Variants in DUOX1 observed in about 807,000 individuals in gnomAD.
DUOX1 encodes the protein NADPH thyroid oxidase 1.
DUOX1 carries 134 observed loss-of-function variants against 181.8 expected under a neutral mutation model. The ratio of observed to expected loss-of-function variants is 0.74; its 90% CI spans 0.64 to 0.85. The LOEUF (loss-of-function observed/expected upper bound fraction) is 0.85, where lower values mean the gene tolerates loss of function less well. Among genes scored for constraint, DUOX1 ranks in the 40% least tolerant of loss-of-function variants. DUOX1 has a pLI of 0.00. For synonymous variants in DUOX1, 798 were observed against 832.5 expected (o/e 0.96, Z 0.71); for missense variants, 1,814 against 2,064.4 (o/e 0.88, Z 2.35).
intron 21 of DUOX1, chr15:45,150,411 T>C (rs548486381): frequency 1.8e-6 from 1 of 564,056 alleles, no homozygotes; most frequent in Admixed American, 3.1e-5. Context: ...GAAGCCTGCC[T>C]GGCCAACTTT....
At position 45,133,191 on chromosome 15, in the gene DUOX1, C is replaced by A. The variant is rs116190989; in HGVS notation, c.59-673C>A. Among the ~76,000 whole-genome samples, 926 of 152,284 alleles carry A rather than the reference C, an allele frequency of 6.1e-3. 11 individuals carry two copies. Among genetic ancestry groups the A allele is most frequent in the African/African-American group, 0.021 (889 of 41,548 alleles). ...GCAGCTGAGTGCTCCCTCCTGGACC[C>A]TCATTTTGGAGAATACAACAGGATC... On this transcript the variant is annotated intron_variant, in intron 2 of 33. Transcript: ENST00000389037.
At position 45,151,119 on chromosome 15, in the gene DUOX1, T is replaced by G. The variant is rs1465443141; in HGVS notation, c.2889-4T>G. 6.2e-7 allele frequency: 1 copy of G among 1,614,038 alleles called. No individual in the cohort carries two copies. Among genetic ancestry groups the G allele is most frequent in the East Asian group, 2.2e-5 (1 of 44,876 alleles). Reference sequence around the variant, plus strand: ...CATCCTATCTCTTACCATTCTTGTCTTAGTCCCTCTCCCAGAGTGAGTGCC... The same window carrying G: ...CATCCTATCTCTTACCATTCTTGTCGTAGTCCCTCTCCCAGAGTGAGTGCC... On this transcript the variant is annotated splice_polypyrimidine_tract_variant and splice_region_variant and intron_variant, in intron 22 of 33. Coordinates refer to ENST00000389037, the MANE Select transcript of DUOX1 (RefSeq NM_175940.3).
chr15:45,142,160 G>A, intron 15 of DUOX1, 48 bp downstream of exon 15: 1 of 1,589,466 alleles, frequency 6.3e-7, no homozygotes. Flanking sequence ...CAAGCTAGGG[G>A]ATGCAGTTTG....
In DUOX1 at chr15:45,148,267, CCCAGAT is replaced by C. The variant is rs752315468; in HGVS notation, c.2643-2_2646del. 6.2e-7 allele frequency: 1 copy of C among 1,614,080 alleles called. No homozygotes were observed. Among genetic ancestry groups the C allele is most frequent in the Non-Finnish European group, 8.5e-7 (1 of 1,180,042 alleles). ...GGCCGGATGGTTCCTCTCCCCCAAC[CCCAGAT>C]CCTTCATCGAGATCTCCAACAACTG... On this transcript the variant is annotated splice_acceptor_variant and splice_polypyrimidine_tract_variant and coding_sequence_variant and intron_variant, in exon 21 of 34. Coordinates refer to ENST00000389037, the MANE Select transcript of DUOX1 (RefSeq NM_175940.3). LOFTEE classifies it high-confidence loss of function.
rs549830481 is a variant in DUOX1 at position 45,144,127 on chromosome 15, C to T, written c.2028C>T (p.Thr676=). ...GQIRVVDGRL[T]VLRTIQLQPP... ...TCCGTGTGGTAGATGGCAGGCTCACCGTGCTCCGCACCATCCAGCTGCAGC... is the reference window on the plus strand; with the variant it reads ...TCCGTGTGGTAGATGGCAGGCTCACTGTGCTCCGCACCATCCAGCTGCAGC... Residue 676 remains threonine, a synonymous_variant, in exon 17 of 34, where the codon ACC becomes ACT. Coordinates refer to ENST00000389037, the MANE Select transcript of DUOX1 (RefSeq NM_175940.3). 22 of 1,614,030 alleles carry T rather than the reference C, an allele frequency of 1.4e-5. No individual in the cohort carries two copies. The highest frequency in any genetic ancestry group is 3.3e-5 in the Admixed American group (2 of 60,032).
At chr15:45,138,076 G>GTA in intron 10 of DUOX1, 62 bp downstream of exon 10, 1 of 1,097,674 alleles carries the variant, frequency 9.1e-7, no homozygotes. Context: ...GTGTGTGTGT[G>GTA]TATGTGTGTG....
In DUOX1 at chr15:45,151,161, A is replaced by G. The variant is rs1261986782; in HGVS notation, c.2927A>G (p.Asp976Gly). 1.9e-6 allele frequency: 3 copies of G among 1,614,076 alleles called. No homozygotes were observed. The Admixed American group carries it at 5.0e-5, about 27-fold the overall frequency. ...PRVSARCSRS[D>G]IETELTPQRL... is the part of the protein sequence containing the mutation. Reference sequence around the variant, plus strand: ...GTGAGTGCCCGCTGTTCCCGCAGCGACATTGAGACTGAGTTGACACCTCAG... The same window carrying G: ...GTGAGTGCCCGCTGTTCCCGCAGCGGCATTGAGACTGAGTTGACACCTCAG... Residue 976 changes from aspartate (D) to glycine (G), a missense_variant, in exon 23 of 34, where the codon GAC becomes GGC. By Grantham distance (94) the Asp-to-Gly change is moderately conservative. This residue lies in a region of DUOX1 where 1,064 missense variants were observed against 1,152.9 expected (regional missense o/e 0.92). Transcript: ENST00000389037.
At chr15:45,136,675 A>G (rs1476409854) in intron 9 of DUOX1, 50 bp downstream of exon 9, 2 of 1,587,574 alleles carry the variant, frequency 1.3e-6, no homozygotes, top group Admixed American at 3.3e-5. Flanking sequence ...GGGGCTGTCA[A>G]CTGAGGAAAA....
In DUOX1 at chr15:45,148,378, T is replaced by C. The variant is rs747645983; in HGVS notation, c.2749T>C (p.Trp917Arg). Reference protein sequence around the residue: ...SGFQDKEELTWEDFHFMLRDH... With the variant: ...SGFQDKEELTREDFHFMLRDH... ...ATTCCAGGACAAGGAGGAACTGACA[T>C]GGGAAGATTTTCACTTCATGCTGCG... Residue 917 changes from tryptophan (W) to arginine (R), a missense_variant, in exon 21 of 34, where the codon TGG becomes CGG. Physicochemically the swap from Trp to Arg is moderately radical, Grantham distance 101. Transcript: ENST00000389037. The C allele has an allele frequency of 6.2e-7, 1 of 1,614,040 alleles. No individual in the cohort carries two copies.
At chr15:45,137,421 A>T (rs1213402913) in intron 9 of DUOX1, among the ~76,000 whole-genome samples, 1 of 150,002 alleles carries the variant, frequency 6.7e-6, no homozygotes, top group African/African-American at 2.4e-5. Flanking sequence ...ATGTATATGT[A>T]TATGAAACAA....
In DUOX1 at chr15:45,143,288, G is replaced by A. The variant is rs139397185; in HGVS notation, c.1921G>A (p.Val641Met). The change falls in exon 16 of 34, where the codon GTG becomes ATG. Residue 641 changes from valine to methionine, a missense_variant. By Grantham distance (21) the Val-to-Met change is conservative. Around this residue, in one of 5 missense-constraint regions of DUOX1, gnomAD observed 1,064 missense variants for 1,152.9 expected, o/e 0.92. Coordinates refer to ENST00000389037, the MANE Select transcript of DUOX1 (RefSeq NM_175940.3). ...CCAGAGCATCGTGTCTGAGAAGCTC[G>A]TGGGAGGCATGGAAGGTAGGTCTAG... ...DRQSIVSEKL[V>M]GGMEALEWQG... The A allele has an allele frequency of 7.0e-4, 1,130 of 1,614,022 alleles. 1 individual carries two copies. The highest frequency in any genetic ancestry group is 1.2e-3 in the Admixed American group (75 of 60,016).
At position 45,151,907 on chromosome 15, in the gene DUOX1, G is replaced by A; in HGVS notation, c.3048G>A (p.Glu1016=). 2 of 1,613,484 alleles carry A rather than the reference G, an allele frequency of 1.2e-6. No individual in the cohort carries two copies. The highest frequency in any genetic ancestry group is 1.7e-6 in the Non-Finnish European group (2 of 1,179,812). Residue 1016 remains glutamate (E), a synonymous_variant, in exon 24 of 34, where the codon GAG becomes GAA. Coordinates refer to ENST00000389037, the MANE Select transcript of DUOX1 (RefSeq NM_175940.3). ...VTSFQPLLFT[E]AHREKFQRSC... is the part of the protein sequence containing the mutation. The stretch of plus-strand genomic sequence containing the variant: ...CATTCCAGCCCTTGCTGTTCACTGA[G>A]GCGCACCGAGAGAAGTTCCAACGCA...
At chr15:45,144,863 A>G in intron 17 of DUOX1, 32 bp from the exon 18 acceptor site, 1 of 1,573,544 alleles carries the variant, frequency 6.4e-7, no homozygotes, top group Non-Finnish European at 8.6e-7. Flanking sequence ...GGCCTTGGCA[A>G]ATGGTTGCTT....
intron 12 of DUOX1, 144 bp downstream of exon 12, chr15:45,139,743 A>G: frequency 1.1e-6 from 1 of 917,048 alleles, no homozygotes; most frequent in Non-Finnish European, 1.6e-6. Context: ...ACTTTTCCCA[A>G]TATTACATAT....
Position 45,152,033 on chromosome 15 carries a change from T to C in DUOX1, c.3174T>C (p.Leu1058=). The C allele has an allele frequency of 1.9e-6, 3 of 1,614,082 alleles. No homozygotes were observed. The highest frequency in any genetic ancestry group is 2.5e-6 in the Non-Finnish European group (3 of 1,179,982). Reference sequence around the variant, plus strand: ...TGTTCTACGCCATCGCTGGGGGGCTTTTCCTGGAGAGGGCCTACTGTGAGT... The same window carrying C: ...TGTTCTACGCCATCGCTGGGGGGCTCTTCCTGGAGAGGGCCTACTGTGAGT... ...VAVFYAIAGG[L]FLERAYYYAF... Residue 1058 remains leucine (L), a synonymous_variant, in exon 24 of 34, where the codon CTT becomes CTC. Transcript: ENST00000389037.
rs772864562 is a variant in DUOX1, at chr15:45,155,792, C to A, written c.3575-10C>A. On this transcript the variant is annotated splice_polypyrimidine_tract_variant and intron_variant, in intron 27 of 33. Coordinates refer to ENST00000389037, the MANE Select transcript of DUOX1 (RefSeq NM_175940.3). Reference sequence around the variant, plus strand: ...GATCTTCTGCCTTCCACCCTATATTCATTTTGCAGGCCTCACGGGGGTTGT... The same window carrying A: ...GATCTTCTGCCTTCCACCCTATATTAATTTTGCAGGCCTCACGGGGGTTGT... The A allele has an allele frequency of 3.1e-6, 5 of 1,613,296 alleles. No homozygotes were observed. The African/African-American group carries it at 4.0e-5, about 13-fold the overall frequency.
chr15:45,153,494 ATG>A lies in DUOX1; in HGVS notation c.3524+67_3524+68del, dbSNP rs58154992. ...CATGATGATGGGTGAGTAAGTGCGA[ATG>A]TGTGTGTGTGTGTGTGTGTGTGTGT... On this transcript the variant is annotated intron_variant, in intron 26 of 33. Coordinates refer to ENST00000389037, the MANE Select transcript of DUOX1 (RefSeq NM_175940.3). The A allele has an allele frequency of 4.4e-3, 3,891 of 884,284 alleles. 56 individuals are homozygous for A. The African/African-American group carries it at 0.049, about 11-fold the overall frequency. The allele number at this position is 884,284 out of a possible 1,614,324, so 54.8% of individuals were successfully genotyped here.
chr15:45,147,827 GT>G, intron 19 of DUOX1, 76 bp from the exon 20 acceptor site: 5 of 1,518,964 alleles, frequency 3.3e-6, no homozygotes, highest in Non-Finnish European at 4.6e-6. Context: ...TCACACTGGT[GT>G]GAGGCCCCTT....
At chr15:45,135,023 A>G in intron 4 of DUOX1, 81 bp from the exon 5 acceptor site, 3 of 1,530,686 alleles carry the variant, frequency 2.0e-6, no homozygotes, top group South Asian at 1.2e-5. Context: ...GCTTCAGGGG[A>G]GGGAAGGAAA....
Sources: gnomAD v4.1 joint callset for allele counts (sites outside exome capture counted in the v4.1 genomes callset) on GRCh38, gnomAD v4.1.1 for gene constraint, gnomAD v4.1.1 regional missense constraint, MANE v1.5 for transcripts, NCBI Gene and HGNC (gene_info 2026-07-23, HGNC 2026-07-21) for gene names.